Variants in EPB41L3 observed in about 807,000 individuals in gnomAD.
The protein encoded by EPB41L3 is band 4.1-like protein 3.
Under a neutral mutation model 127.1 loss-of-function variants are expected in EPB41L3, and 57 were observed. The observed-to-expected ratio is 0.45, with a 90% CI of 0.36 to 0.56. The LOEUF is 0.56. Ranked by LOEUF, EPB41L3 falls within the 20% of genes least tolerant of loss-of-function variation. The probability of loss-of-function intolerance (pLI) is 0.00; values close to 1 mark genes in which losing one functional copy is unlikely to be tolerated. For synonymous variants in EPB41L3, 572 were observed against 549.5 expected, an observed-to-expected ratio of 1.04 and a Z score of -0.57; for missense variants, 1,273 against 1,372.2, an observed-to-expected ratio of 0.93 and a Z score of 1.14.
chr18:5,532,480 G>A (rs2093442263), intron 1 of EPB41L3, among the ~76,000 whole-genome samples: 1 of 152,240 alleles, frequency 6.6e-6, no homozygotes, highest in Non-Finnish European at 1.5e-5. Context: ...CACTTTCAGT[G>A]TGTATCTCAG....
chr18:5,456,324 GAATA>G (rs2083054548), intron 3 of EPB41L3, among the ~76,000 whole-genome samples: 1 of 152,034 alleles, frequency 6.6e-6, no homozygotes, highest in African/African-American at 2.4e-5. Flanking sequence ...GCAAGGCTGA[GAATA>G]AATAGAAAGA....
intron 1 of EPB41L3, chr18:5,508,336 T>C (rs1366021094): frequency 6.6e-6 from 1 of 152,226 alleles, no homozygotes; most frequent in Non-Finnish European, 1.5e-5. Context: ...ATATTAACAC[T>C]GTACAACCCA....
At chr18:5,625,751 G>A (rs982017342) in intron 1 of EPB41L3, among the ~76,000 whole-genome samples, 16 of 152,136 alleles carry the variant, frequency 1.1e-4, no homozygotes, top group African/African-American at 3.6e-4. Flanking sequence ...TTCTTCTGTT[G>A]ACTTCTCACC....
At chr18:5,600,288 C>A (rs1239304814) in intron 3 of EPB41L3, among the ~76,000 whole-genome samples, 1 of 152,062 alleles carries the variant, frequency 6.6e-6, no homozygotes, top group Non-Finnish European at 1.5e-5. Context: ...AATTCATTCA[C>A]CACAGGCAAA....
intron 3 of EPB41L3, among the ~76,000 whole-genome samples, chr18:5,467,000 T>C (rs1032909217): frequency 6.6e-6 from 1 of 152,164 alleles, no homozygotes; most frequent in African/African-American, 2.4e-5. Flanking sequence ...TGGCAATTGA[T>C]CAGGAAAATT....
chr18:5,416,100 T>C lies in EPB41L3; in HGVS notation c.1785A>G (p.Ser595=). 1 of 1,612,212 alleles carries C rather than the reference T, an allele frequency of 6.2e-7. No homozygotes were observed. Among genetic ancestry groups the C allele is most frequent in the Non-Finnish European group, 8.5e-7 (1 of 1,178,776 alleles). ...CATCATCATCTAGGAGGGAGGGGAA[T>C]GACTCAGGGAGCTGCAAGGAGAAGG... ...LFSFSLQLPE[S]FPSLLDDDGY... Residue 595 remains serine, a synonymous_variant, in exon 13 of 23, where the codon TCA becomes TCG. Transcript: ENST00000341928.
At chr18:5,596,657 A>G (rs2094539570) in intron 3 of EPB41L3, among the ~76,000 whole-genome samples, 5 of 152,208 alleles carry the variant, frequency 3.3e-5, no homozygotes, top group Admixed American at 2.6e-4. Context: ...CATCCCAAGC[A>G]AAGTTGAGAA....
chr18:5,394,550 G>T, intron 22 of EPB41L3, 127 bp downstream of exon 22: 1 of 680,968 alleles, frequency 1.5e-6, no homozygotes, highest in Non-Finnish European at 2.5e-6. Flanking sequence ...CCATCCTCTT[G>T]GTAACCAGCC....
chr18:5,454,206 C>G (rs202104956), intron 3 of EPB41L3, among the ~76,000 whole-genome samples: 3 of 125,376 alleles, frequency 2.4e-5, no homozygotes, highest in East Asian at 2.8e-4. Flanking sequence ...TTTTTGTTTC[C>G]TTGTTTTTTT....
chr18:5,569,822 C>A (rs1323622172), intron 3 of EPB41L3, among the ~76,000 whole-genome samples: 2 of 152,158 alleles, frequency 1.3e-5, no homozygotes, highest in Admixed American at 1.3e-4. Flanking sequence ...CTTTGCAGAA[C>A]GCTCGGATTT....
At position 5,406,838 on chromosome 18, in the gene EPB41L3, G is replaced by A. The variant is rs776880828; in HGVS notation, c.2288C>T (p.Pro763Leu). ...CTCCTGCCTGGCGGCCAGTCGCACG[G>A]GGGAGGTGGAAAGCCTCTTCTCCCA... ...NEWEKRLSTS[P>L]VRLAARQEDA... The change falls in exon 16 of 23, where the codon CCC becomes CTC. Residue 763 changes from proline to leucine, a missense_variant. By Grantham distance (98) the Pro-to-Leu change is moderately conservative (BLOSUM62 -3). Coordinates refer to ENST00000341928, the MANE Select transcript of EPB41L3 (RefSeq NM_012307.5). The A allele has an allele frequency of 1.2e-6, 2 of 1,614,202 alleles. No individual in the cohort carries two copies. The highest frequency in any genetic ancestry group is 1.1e-5 in the South Asian group (1 of 91,082).
intron 1 of EPB41L3, among the ~76,000 whole-genome samples, chr18:5,503,995 T>G (rs1049222038): frequency 6.6e-6 from 1 of 152,222 alleles, no homozygotes; most frequent in African/African-American, 2.4e-5. Context: ...TTAGTAATGA[T>G]TATTGCTGAA....
chr18:5,472,913 C>T (rs2086425548), intron 3 of EPB41L3, among the ~76,000 whole-genome samples: 1 of 152,152 alleles, frequency 6.6e-6, no homozygotes, highest in African/African-American at 2.4e-5. Context: ...ATTTCCTTAT[C>T]CTCTCTGGTC....
intron 3 of EPB41L3, among the ~76,000 whole-genome samples, chr18:5,455,671 T>C (rs1192481459): frequency 6.6e-6 from 1 of 151,564 alleles, no homozygotes; most frequent in African/African-American, 2.4e-5. Flanking sequence ...TTTCCGTCTC[T>C]ACTTGAAACC....
At chr18:5,433,337 A>G in intron 8 of EPB41L3, 132 bp downstream of exon 8, 1 of 659,186 alleles carries the variant, frequency 1.5e-6, no homozygotes, top group Non-Finnish European at 2.6e-6. Flanking sequence ...AGGGCTTAAA[A>G]GACAAGCAGA....
chr18:5,523,442 T>C (rs533684569), intron 1 of EPB41L3, among the ~76,000 whole-genome samples: 3 of 152,230 alleles, frequency 2.0e-5, no homozygotes, highest in Non-Finnish European at 4.4e-5. Flanking sequence ...TACAATCTTG[T>C]TGAAAAATAA....
intron 1 of EPB41L3, among the ~76,000 whole-genome samples, chr18:5,508,964 T>G (rs1327402669): frequency 6.6e-6 from 1 of 151,968 alleles, no homozygotes; most frequent in African/African-American, 2.4e-5. Flanking sequence ...TGCCTGGGAG[T>G]GCTGAGCAGT....
chr18:5,515,557 A>G (rs1056624688), intron 1 of EPB41L3, among the ~76,000 whole-genome samples: 1 of 142,248 alleles, frequency 7.0e-6, no homozygotes, highest in Non-Finnish European at 1.5e-5. Context: ...GGTCTTTTAC[A>G]TAATTCTTCT....
intron 3 of EPB41L3, chr18:5,610,225 C>G (rs1052299876): frequency 2.0e-6 from 2 of 985,168 alleles, no homozygotes; most frequent in African/African-American, 3.5e-5. Context: ...CCAAGTGAGA[C>G]AAGAAGGGTG....
Sources: allele counts gnomAD v4.1 joint callset (sites outside exome capture counted in the v4.1 genomes callset), GRCh38; gene constraint gnomAD v4.1.1; transcripts MANE v1.5; gene names NCBI Gene and HGNC (gene_info 2026-07-23, HGNC 2026-07-21).